CEP152: variants seen among roughly 807,000 people sequenced by gnomAD.
CEP152 encodes the protein centrosomal protein 152.
A neutral mutation model predicts 188.9 loss-of-function variants in CEP152; 132 were observed. That is an observed-to-expected ratio of 0.70 (90% CI 0.61 to 0.81). The LOEUF (loss-of-function observed/expected upper bound fraction) is 0.81. Ranked by LOEUF, CEP152 falls within the 30% of genes least tolerant of loss-of-function variation. CEP152 has a pLI of 0.00. For missense variants in CEP152, 1,914 were observed against 1,969.8 expected (o/e 0.97, Z 0.54); for synonymous variants, 649 against 666.6 (o/e 0.97, Z 0.41).
At chr15:48,804,886 T>C (rs1486782417) in intron 2 of CEP152, among the ~76,000 whole-genome samples, 4 of 152,220 alleles carry the variant, frequency 2.6e-5, no homozygotes, top group Admixed American at 6.5e-5. Flanking sequence ...CCCAATACCA[T>C]GGCCTTCTGG....
At chr15:48,807,882 G>C (rs1185887750) in intron 1 of CEP152, among the ~76,000 whole-genome samples, 1 of 134,342 alleles carries the variant, frequency 7.4e-6, no homozygotes, top group Non-Finnish European at 1.6e-5. Flanking sequence ...TTCTCAGATA[G>C]AGAATACTTA....
intron 2 of CEP152, among the ~76,000 whole-genome samples, chr15:48,799,378 T>A (rs1177486688): frequency 1.3e-5 from 2 of 152,194 alleles, no homozygotes; most frequent in Non-Finnish European, 2.9e-5. Context: ...TTAACTGAGC[T>A]TTGGTGAAAT....
downstream of CEP152, among the ~76,000 whole-genome samples, chr15:48,734,262 G>A (rs1892522374): frequency 6.6e-6 from 1 of 150,504 alleles, no homozygotes; most frequent in African/African-American, 2.4e-5. Flanking sequence ...TAGCACAAAG[G>A]AGGGGCAAGG....
chr15:48,750,665 G>A (rs1893802672), intron 21 of CEP152, among the ~76,000 whole-genome samples: 2 of 152,090 alleles, frequency 1.3e-5, no homozygotes, highest in South Asian at 4.1e-4. Flanking sequence ...CAATGAAAAT[G>A]AATGAACTAG....
intron 26 of CEP152, chr15:48,740,956 A>G (rs2089108): frequency 0.13 from 110,581 of 836,542 alleles, 8,324 homozygotes; most frequent in East Asian, 0.38. Flanking sequence ...CATATCCCCT[A>G]GGCCCTCTAT....
At chr15:48,786,679 T>TA (rs920925018) in intron 9 of CEP152, among the ~76,000 whole-genome samples, 5 of 151,588 alleles carry the variant, frequency 3.3e-5, no homozygotes, top group South Asian at 2.1e-4. Flanking sequence ...CATGCTCTGT[T>TA]AAAAAAAATA....
chr15:48,740,933 T>A, intron 26 of CEP152: 1 of 710,090 alleles, frequency 1.4e-6, no homozygotes, highest in Admixed American at 6.3e-5. Context: ...GAACACCAAC[T>A]AATTACCCCA....
chr15:48,738,626 G>A lies in CEP152; in HGVS notation c.4756C>T (p.Arg1586Cys), dbSNP rs773489138. The change falls in exon 27 of 27, where the codon CGT (arginine) becomes TGT (cysteine). Residue 1586 changes from arginine to cysteine, a missense_variant. Physicochemically the swap from Arg to Cys is radical, Grantham distance 180. Transcript: ENST00000380950. ...CTACCATGTACAAATGATGCTTCAC[G>A]ACTGTCAAAGGATAAGGTTGCACTG... ...SSSATLSFDS[R>C]EASFVHGRPQ... The A allele has an allele frequency of 1.2e-5, 20 of 1,614,006 alleles. No individual in the cohort carries two copies. Among genetic ancestry groups the A allele is most frequent in the East Asian group, 8.9e-5 (4 of 44,886 alleles).
intron 18 of CEP152, among the ~76,000 whole-genome samples, chr15:48,762,044 T>C (rs1242062887): frequency 3.3e-5 from 5 of 152,212 alleles, no homozygotes; most frequent in Non-Finnish European, 7.4e-5. Flanking sequence ...ACCACCTTAG[T>C]GGAATATTTT....
intron 17 of CEP152, among the ~76,000 whole-genome samples, chr15:48,763,180 G>T (rs1894820141): frequency 6.6e-6 from 1 of 152,220 alleles, no homozygotes; most frequent in Admixed American, 6.5e-5. Context: ...AAGGGAGGCA[G>T]TATTATTGGA....
Position 48,762,503 on chromosome 15 carries a change from T to G in CEP152, c.2450A>C (p.Lys817Thr), listed in dbSNP as rs768500159. 6 of 1,614,118 alleles carry G rather than the reference T, an allele frequency of 3.7e-6. No individual in the cohort carries two copies. The East Asian group carries it at 1.3e-4, about 36-fold the overall frequency. ...TTCTAAGTTTTGCTGGATTGTGCAC[T>G]TCTGCTCTTCTATCATAATTGCCAT... is the stretch of plus-strand genomic sequence containing the variant. The part of the protein sequence containing the change: ...KEMAIMIEEQ[K>T]CTIQQNLEQE... Residue 817 changes from lysine (K) to threonine (T), a missense_variant, in exon 18 of 27, where the codon AAG becomes ACG. Transcript: ENST00000380950.
At chr15:48,746,259 G>A (rs1472299435) in intron 22 of CEP152, among the ~76,000 whole-genome samples, 2 of 151,942 alleles carry the variant, frequency 1.3e-5, no homozygotes, top group African/African-American at 4.8e-5. Context: ...AACTTTCTTC[G>A]ATTATTTGCA....
intron 7 of CEP152, among the ~76,000 whole-genome samples, chr15:48,792,839 CAG>C (rs1270123690): frequency 6.8e-6 from 1 of 147,192 alleles, no homozygotes; most frequent in Non-Finnish European, 1.5e-5. Flanking sequence ...TTTTTTGAGA[CAG>C]AGTCTCACTC....
Position 48,781,082 on chromosome 15 carries a change from T to C in CEP152, c.1577+114A>G, listed in dbSNP as rs997200068. The stretch of plus-strand genomic sequence containing the variant: ...ATAAATGCAAGGTATCTGCATTCAA[T>C]ACACAGTGTTAACATATGAAAATAA... On this transcript the variant is annotated intron_variant, in intron 12 of 26. Coordinates refer to ENST00000380950, the MANE Select transcript of CEP152 (RefSeq NM_001194998.2). 7 of 903,994 alleles carry C rather than the reference T, an allele frequency of 7.7e-6. No individual in the cohort carries two copies. In the Admixed American group the frequency reaches 1.0e-4, roughly 13 times the overall value. 56.0% of individuals were successfully genotyped at this position (903,994 alleles called of 1,614,324 possible).
At chr15:48,797,855 A>G in intron 3 of CEP152, 93 bp downstream of exon 3, 1 of 1,481,890 alleles carries the variant, frequency 6.7e-7, no homozygotes, top group Non-Finnish European at 9.3e-7. Context: ...GAATCAATTT[A>G]CAATTTTATA....
Position 48,769,171 on chromosome 15 carries a change from C to T in CEP152, c.1783-90G>A, listed in dbSNP as rs183442903. 83 of 1,066,998 alleles carry T rather than the reference C, an allele frequency of 7.8e-5. 1 individual carries two copies. The East Asian group carries it at 2.0e-3, about 25-fold the overall frequency. 66.1% of individuals were successfully genotyped at this position (1,066,998 alleles called of 1,614,324 possible). On this transcript the variant is annotated intron_variant, in intron 13 of 26. Coordinates refer to ENST00000380950, the MANE Select transcript of CEP152 (RefSeq NM_001194998.2). Reference sequence around the variant, plus strand: ...TTCCATACTTTAAAAAAATTGCAAACAGTACAAATAATCTCCATATAGCTT... The same window carrying T: ...TTCCATACTTTAAAAAAATTGCAAATAGTACAAATAATCTCCATATAGCTT...
intron 1 of CEP152, among the ~76,000 whole-genome samples, chr15:48,807,705 G>A (rs1053368253): frequency 2.6e-5 from 4 of 152,104 alleles, no homozygotes; most frequent in Non-Finnish European, 5.9e-5. Context: ...GACGAAATAT[G>A]GAATTTGGGT....
chr15:48,748,821 A>C (rs1893670851), intron 21 of CEP152, among the ~76,000 whole-genome samples: 1 of 152,026 alleles, frequency 6.6e-6, no homozygotes, highest in South Asian at 2.1e-4. Context: ...ATATTAATTA[A>C]CTTGTCTAAG....
At chr15:48,770,343 C>G (rs1895442886) in intron 13 of CEP152, among the ~76,000 whole-genome samples, 1 of 151,924 alleles carries the variant, frequency 6.6e-6, no homozygotes, top group Non-Finnish European at 1.5e-5. Context: ...AATAGAGTAG[C>G]TGGACAAAAA....
Sources: allele counts gnomAD v4.1 joint callset (sites outside exome capture counted in the v4.1 genomes callset), GRCh38; gene constraint gnomAD v4.1.1; transcripts MANE v1.5; gene names NCBI Gene and HGNC (gene_info 2026-07-23, HGNC 2026-07-21).